The following RARB variants were observed in gnomAD, a reference collection of about 807,000 sequenced individuals.
The protein encoded by RARB is retinoic acid receptor beta, also known as HBV-activated protein.
RARB carries 17 observed loss-of-function variants against 51.9 expected under a neutral mutation model. The observed-to-expected ratio is 0.33, with a 90% CI of 0.22 to 0.49. The LOEUF is 0.49. Among genes scored for constraint, RARB ranks in the 20% least tolerant of loss-of-function variants. The pLI, the probability that RARB is intolerant of heterozygous loss-of-function variation, is 0.99. For missense variants in RARB, 369 were observed against 550.8 expected (o/e 0.67, Z 3.30); for synonymous variants, 215 against 195.4 (o/e 1.10, Z -0.84).
At chr3:25,066,898 G>A (rs527426502) in intron 3 of RARB, among the ~76,000 whole-genome samples, 52 of 152,188 alleles carry the variant, frequency 3.4e-4, no homozygotes, top group African/African-American at 1.1e-3. Context: ...ATGTATTCAC[G>A]GTGCTGAAGC....
intron 4 of RARB, among the ~76,000 whole-genome samples, chr3:25,157,622 C>G (rs1700400288): frequency 6.6e-6 from 1 of 152,106 alleles, no homozygotes; most frequent in African/African-American, 2.4e-5. Flanking sequence ...GTCTCAAACT[C>G]CTGGCCTCAA....
At chr3:25,309,813 G>A (rs559941614) in intron 5 of RARB, among the ~76,000 whole-genome samples, 42 of 152,194 alleles carry the variant, frequency 2.8e-4, no homozygotes, top group African/African-American at 9.9e-4. Flanking sequence ...GCTCTTACCT[G>A]AGAAGTAATG....
rs1699917752 is a variant in RARB, at chr3:25,129,869, T to A, written c.-327-2292T>A. ...ATGGAGGAAGAAGGTGATTAGAAAT[T>A]GTTTAGGAGTGTTTTTGGCTGATTA... On this transcript the variant is annotated intron_variant, in intron 3 of 11. Coordinates refer to the RARB transcript ENST00000383772. Among the ~76,000 whole-genome samples, 3 of 152,074 alleles carry A rather than the reference T, an allele frequency of 2.0e-5. No homozygotes were observed. The South Asian group carries it at 6.2e-4, about 31-fold the overall frequency.
At chr3:24,853,188 G>A (rs1224572545) in intron 1 of RARB, among the ~76,000 whole-genome samples, 2 of 151,784 alleles carry the variant, frequency 1.3e-5, no homozygotes, top group Non-Finnish European at 2.9e-5. Flanking sequence ...ATGGTGGCAG[G>A]CACCTGTAGT....
At chr3:24,910,147 T>C (rs1230049779) in intron 2 of RARB, among the ~76,000 whole-genome samples, 10 of 152,168 alleles carry the variant, frequency 6.6e-5, no homozygotes, top group African/African-American at 2.2e-4. Context: ...CTTCCTTTTT[T>C]TACTCCACCA....
intron 4 of RARB, among the ~76,000 whole-genome samples, chr3:25,172,665 G>A (rs1223806711): frequency 6.6e-6 from 1 of 152,094 alleles, no homozygotes; most frequent in African/African-American, 2.4e-5. Context: ...TTACTATAAT[G>A]TAGTCTCCCT....
chr3:25,002,283 TAGAC>T (rs1323369423), intron 2 of RARB, among the ~76,000 whole-genome samples: 2 of 152,284 alleles, frequency 1.3e-5, no homozygotes, highest in Admixed American at 6.5e-5. Context: ...CTTCAGGAGA[TAGAC>T]AAGATCGTTT....
At position 25,461,266 on chromosome 3, in the gene RARB, G is replaced by C. The variant is rs138754945; in HGVS notation, c.231G>C (p.Val77=). The change falls in exon 2 of 8, where the codon GTG becomes GTC. Residue 77 remains valine (V), a synonymous_variant. Transcript: ENST00000330688. Reference sequence around the variant, plus strand: ...CATCTCCACTTCCTCCCCCTCGAGTGTACAAACCCTGCTTCGTCTGCCAGG... The same window carrying C: ...CATCTCCACTTCCTCCCCCTCGAGTCTACAAACCCTGCTTCGTCTGCCAGG... ...SPPSPLPPPR[V]YKPCFVCQDK... 10 of 1,613,826 alleles carry C rather than the reference G, an allele frequency of 6.2e-6. No homozygotes were observed. The African/African-American group carries it at 1.2e-4, about 19-fold the overall frequency.
intron 1 of RARB, among the ~76,000 whole-genome samples, chr3:25,436,732 C>T (rs1379375814): frequency 6.6e-6 from 1 of 152,168 alleles, no homozygotes; most frequent in Non-Finnish European, 1.5e-5. Flanking sequence ...ATCACCTGTA[C>T]CTCAAAGGCT....
At chr3:25,288,619 A>G (rs1295988441) in intron 5 of RARB, among the ~76,000 whole-genome samples, 2 of 152,192 alleles carry the variant, frequency 1.3e-5, no homozygotes, top group Non-Finnish European at 2.9e-5. Context: ...CTGGCCACAG[A>G]CTGGCTTTCA....
intron 5 of RARB, among the ~76,000 whole-genome samples, chr3:25,193,635 G>A (rs1304663282): frequency 1.3e-5 from 2 of 151,946 alleles, no homozygotes; most frequent in Non-Finnish European, 2.9e-5. Flanking sequence ...ATTTGTTGCT[G>A]CTACACTGGA....
intron 2 of RARB, among the ~76,000 whole-genome samples, chr3:24,889,926 A>G (rs1043055896): frequency 1.3e-5 from 2 of 151,778 alleles, no homozygotes; most frequent in African/African-American, 4.9e-5. Context: ...AAAAAAAAGA[A>G]AAAGACTCAA....
chr3:25,562,109 T>C (rs1318030160), intron 3 of RARB, among the ~76,000 whole-genome samples: 1 of 152,190 alleles, frequency 6.6e-6, no homozygotes, highest in East Asian at 1.9e-4. Context: ...TCAAAAAAGT[T>C]AAAAGACCCA....
At chr3:25,121,775 T>G (rs891036176) in intron 3 of RARB, among the ~76,000 whole-genome samples, 13 of 152,238 alleles carry the variant, frequency 8.5e-5, no homozygotes, top group African/African-American at 2.9e-4. Context: ...TCTACACATT[T>G]ATTAAGATTT....
chr3:25,336,152 T>G (rs1705056704), intron 5 of RARB, among the ~76,000 whole-genome samples: 1 of 151,828 alleles, frequency 6.6e-6, no homozygotes, highest in Non-Finnish European at 1.5e-5. Context: ...TGATCTTATC[T>G]ATGTAAGAAG....
Position 25,316,707 on chromosome 3 carries a change from A to G in RARB, c.178+142132A>G, listed in dbSNP as rs532694020. ...ATTAGCAGTTGACAGTAAAAGGAAA[A>G]GACGTAGCAGTATAGACTGGATTGC... On this transcript the variant is annotated intron_variant, in intron 5 of 11. Transcript: ENST00000383772. Among the ~76,000 whole-genome samples, 5 of 152,338 alleles carry G rather than the reference A, an allele frequency of 3.3e-5. No homozygotes were observed. The South Asian group carries it at 1.0e-3, about 32-fold the overall frequency.
At chr3:25,218,532 G>C (rs6794961) in intron 5 of RARB, among the ~76,000 whole-genome samples, 2 of 152,276 alleles carry the variant, frequency 1.3e-5, no homozygotes, top group East Asian at 3.9e-4. Context: ...GAAACCAGAA[G>C]AAGTGAGGCC....
intron 2 of RARB, among the ~76,000 whole-genome samples, chr3:24,983,234 G>A (rs950217144): frequency 8.6e-5 from 13 of 151,664 alleles, no homozygotes; most frequent in African/African-American, 3.2e-4. Context: ...TAGTAGAATT[G>A]TACCTGAGCA....
At chr3:25,218,412 C>T (rs1414898460) in intron 5 of RARB, among the ~76,000 whole-genome samples, 26 of 152,122 alleles carry the variant, frequency 1.7e-4, no homozygotes, top group Non-Finnish European at 2.9e-5. Context: ...GTATAGTTCC[C>T]AAGTTGTTCC....
Sources: allele counts gnomAD v4.1 joint callset (sites outside exome capture counted in the v4.1 genomes callset), GRCh38; gene constraint gnomAD v4.1.1; transcripts MANE v1.5; gene names NCBI Gene and HGNC (gene_info 2026-07-23, HGNC 2026-07-21).